The following SPECC1L variants were observed in gnomAD, a reference collection of about 807,000 sequenced individuals.
SPECC1L encodes sperm antigen with calponin homology and coiled-coil domains 1 like, also known as cytospin-A.
Under a neutral mutation model 116.8 loss-of-function variants are expected in SPECC1L, and 40 were observed. That is an observed-to-expected ratio of 0.34 (90% confidence interval 0.27 to 0.45). The LOEUF is 0.45. SPECC1L is among the 20% of genes least tolerant of loss of function. The pLI is 1.00. For missense variants in SPECC1L, 1,110 were observed against 1,373.6 expected (o/e 0.81, Z 3.03); for synonymous variants, 504 against 500.6 (o/e 1.01, Z -0.09).
rs549201798 is a variant in SPECC1L at position 24,322,868 on chromosome 22, C to G, written c.1888C>G (p.Leu630Val). 1 of 1,613,736 alleles carries G rather than the reference C, an allele frequency of 6.2e-7. No individual in the cohort carries two copies. Among genetic ancestry groups the G allele is most frequent in the Non-Finnish European group, 8.5e-7 (1 of 1,179,796 alleles). The change falls in exon 5 of 17, where the codon CTG (leucine) becomes GTG (valine). Residue 630 changes from leucine (L) to valine (V), a missense_variant. By Grantham distance (32) the Leu-to-Val change is conservative. Around this residue, in one of 4 missense-constraint regions of SPECC1L, gnomAD observed 575 missense variants for 682.4 expected, o/e 0.84. Coordinates refer to ENST00000314328, the MANE Select transcript of SPECC1L (RefSeq NM_015330.6). ...TTTGGCTAGTAGCTTGCAGGAAGAT[C>G]TGGCTCATACCCGAAATGATGCCAA... ...ETLASSLQED[L>V]AHTRNDANRL...
chr22:24,304,718 A>G (rs1363386204), intron 3 of SPECC1L, among the ~76,000 whole-genome samples: 1 of 152,242 alleles, frequency 6.6e-6, no homozygotes, highest in East Asian at 1.9e-4. Flanking sequence ...CTTCAGTTAG[A>G]ATCTATAATT....
chr22:24,332,706 AT>A (rs74267207), intron 8 of SPECC1L, among the ~76,000 whole-genome samples: 66 of 147,710 alleles, frequency 4.5e-4, no homozygotes, highest in East Asian at 3.9e-4. Context: ...CTTCTTACTA[AT>A]TTTTTTTTTT....
intron 2 of SPECC1L, among the ~76,000 whole-genome samples, chr22:24,280,670 C>T (rs1211830726): frequency 6.6e-6 from 1 of 151,694 alleles, no homozygotes; most frequent in African/African-American, 2.4e-5. Flanking sequence ...CCTGACTTCC[C>T]AGGCTCAAGT....
chr22:24,296,867 G>A (rs2049275152), intron 2 of SPECC1L, among the ~76,000 whole-genome samples: 1 of 152,038 alleles, frequency 6.6e-6, no homozygotes, highest in Non-Finnish European at 1.5e-5. Context: ...AATAGGTAGG[G>A]CCCATGGAAT....
At chr22:24,272,956 T>C (rs1447110281) in intron 1 of SPECC1L, among the ~76,000 whole-genome samples, 1 of 152,194 alleles carries the variant, frequency 6.6e-6, no homozygotes, top group Non-Finnish European at 1.5e-5. Flanking sequence ...AGAAAGTGAA[T>C]GTTGTGCCAT....
intron 2 of SPECC1L, among the ~76,000 whole-genome samples, chr22:24,283,388 A>G (rs1056057101): frequency 1.5e-4 from 23 of 152,300 alleles, no homozygotes; most frequent in African/African-American, 5.3e-4. Flanking sequence ...TGCCTTGCCG[A>G]TTTTTGAATG....
intron 14 of SPECC1L, among the ~76,000 whole-genome samples, chr22:24,397,286 A>G (rs1209545747): frequency 6.6e-6 from 1 of 152,208 alleles, no homozygotes; most frequent in Non-Finnish European, 1.5e-5. Context: ...TAAGGTGAGC[A>G]CACTATATTG....
At chr22:24,368,890 C>T (rs1601294367) in intron 13 of SPECC1L, among the ~76,000 whole-genome samples, 1 of 152,296 alleles carries the variant, frequency 6.6e-6, no homozygotes, top group South Asian at 2.1e-4. Context: ...CAGGTGATCT[C>T]TCTGCCTCAG....
chr22:24,343,337 AT>A (rs1039463558), intron 10 of SPECC1L: 3 of 346,064 alleles, frequency 8.7e-6, no homozygotes, highest in African/African-American at 6.7e-5. Context: ...CCCCATGCCC[AT>A]TAAGGCATTG....
chr22:24,345,392 G>A (rs2041270653), intron 10 of SPECC1L, among the ~76,000 whole-genome samples: 1 of 152,096 alleles, frequency 6.6e-6, no homozygotes, highest in Admixed American at 6.6e-5. Flanking sequence ...TGACTTTTAA[G>A]ACTGCAAACA....
chr22:24,284,199 G>T (rs62233069), intron 2 of SPECC1L, among the ~76,000 whole-genome samples: 1 of 151,980 alleles, frequency 6.6e-6, no homozygotes, highest in Non-Finnish European at 1.5e-5. Flanking sequence ...CAACATAGGT[G>T]TTTAGTGTTA....
chr22:24,378,022 A>G (rs1403435551), intron 14 of SPECC1L, among the ~76,000 whole-genome samples: 1 of 152,220 alleles, frequency 6.6e-6, no homozygotes, highest in Non-Finnish European at 1.5e-5. Flanking sequence ...CTCTGTAGCT[A>G]TGAAAGTCCT....
chr22:24,361,013 A>G (rs2041632495), intron 11 of SPECC1L, among the ~76,000 whole-genome samples: 1 of 152,184 alleles, frequency 6.6e-6, no homozygotes, highest in Non-Finnish European at 1.5e-5. Context: ...TTTAAGCTAT[A>G]TACATCCCAT....
Position 24,383,792 on chromosome 22 carries a change from A to ATTTTT in SPECC1L, c.3087+14508_3087+14512dup, listed in dbSNP as rs538972717. Among the ~76,000 whole-genome samples, 152 of 77,306 alleles carry ATTTTT rather than the reference A, an allele frequency of 2.0e-3. 10 individuals carry two copies. The highest frequency in any genetic ancestry group is 2.2e-3 in the Non-Finnish European group (94 of 42,886). The allele number at this position is 77,306 out of a possible 152,430, so 50.7% of individuals were successfully genotyped here. On this transcript the variant is annotated intron_variant, in intron 14 of 16. Transcript: ENST00000314328. ...GCTGGGATTACAGGCACCCACCACTATTTTTTTTTTTTTTTTTTTTTTTTT... is the reference window on the plus strand; with the variant it reads ...GCTGGGATTACAGGCACCCACCACTATTTTTTTTTTTTTTTTTTTTTTTTTTTTTT...
chr22:24,369,456 C>T, intron 14 of SPECC1L, 136 bp downstream of exon 14: 1 of 723,802 alleles, frequency 1.4e-6, no homozygotes, highest in Non-Finnish European at 2.5e-6. Flanking sequence ...AATCCTAACA[C>T]ATTGGGAGGC....
chr22:24,354,298 CA>C (rs1471662143), intron 11 of SPECC1L, among the ~76,000 whole-genome samples: 13 of 152,162 alleles, frequency 8.5e-5, no homozygotes, highest in Non-Finnish European at 1.6e-4. Context: ...CTGATTTCAG[CA>C]TTTATTTATG....
chr22:24,309,187 A>G (rs180974551), intron 3 of SPECC1L, among the ~76,000 whole-genome samples: 24 of 152,306 alleles, frequency 1.6e-4, no homozygotes, highest in African/African-American at 5.8e-4. Context: ...ATCTGTATCT[A>G]TTAAAATGTG....
intron 8 of SPECC1L, among the ~76,000 whole-genome samples, chr22:24,333,667 G>A (rs1363582098): frequency 6.6e-6 from 1 of 151,532 alleles, no homozygotes; most frequent in Admixed American, 6.6e-5. Flanking sequence ...ATTAGCTGGA[G>A]CCAGTATAAA....
chr22:24,300,713 TCAGATGATCA>T (rs1470357980), intron 2 of SPECC1L, among the ~76,000 whole-genome samples: 34 of 151,920 alleles, frequency 2.2e-4, no homozygotes, highest in Non-Finnish European at 4.0e-4. Flanking sequence ...TTTGCATTTC[TCAGATGATCA>T]GTGATGTTGA....
Sources: gnomAD v4.1 joint callset for allele counts (sites outside exome capture counted in the v4.1 genomes callset) on GRCh38, gnomAD v4.1.1 for gene constraint, gnomAD v4.1.1 regional missense constraint, MANE v1.5 for transcripts, NCBI Gene and HGNC (gene_info 2026-07-23, HGNC 2026-07-21) for gene names.